SGCD: variants seen among roughly 807,000 people sequenced by gnomAD.
SGCD encodes the protein delta-sarcoglycan.
SGCD carries 18 observed loss-of-function variants against 36.6 expected under a neutral mutation model. That is an observed-to-expected ratio of 0.49 (90% CI 0.34 to 0.73). The LOEUF (loss-of-function observed/expected upper bound fraction) is 0.73. Among genes scored for constraint, SGCD ranks in the 30% least tolerant of loss-of-function variants. SGCD has a pLI of 0.01. For synonymous variants in SGCD, 133 were observed against 130.6 expected, an observed-to-expected ratio of 1.02 and a Z score of -0.12; for missense variants, 387 against 346.7, an observed-to-expected ratio of 1.12 and a Z score of -0.92.
the SGCD span, among the ~76,000 whole-genome samples, chr5:155,856,951 A>G: frequency 6.6e-6 from 1 of 152,326 alleles, no homozygotes; most frequent in Non-Finnish European, 1.5e-5. Flanking sequence ...GAAGTTAAAC[A>G]GGCCAGGTGC....
intron 3 of SGCD, among the ~76,000 whole-genome samples, chr5:156,410,782 T>C (rs1316737224): frequency 6.6e-6 from 1 of 152,168 alleles, no homozygotes; most frequent in East Asian, 1.9e-4. Context: ...TAGTATCCCT[T>C]ACATGAGCTA....
rs561168307 is a variant in SGCD at position 156,545,497 on chromosome 5, G to T, written c.294+36795G>T. On this transcript the variant is annotated intron_variant, in intron 4 of 8. Transcript: ENST00000337851. ...GTCGGGGTTGGGGGATGAGGGGGTA[G>T]TTGGGGATGGTTTCAGAATGAAACT... 1.6e-3 allele frequency among the ~76,000 whole-genome samples: 239 copies of T among 152,028 alleles called. 2 individuals are homozygous for T. Among genetic ancestry groups the T allele is most frequent in the African/African-American group, 5.1e-3 (210 of 41,464 alleles).
intron 3 of SGCD, among the ~76,000 whole-genome samples, chr5:156,380,626 T>A (rs1349335515): frequency 6.6e-6 from 1 of 152,190 alleles, no homozygotes; most frequent in Non-Finnish European, 1.5e-5. Context: ...TTAAGACTGA[T>A]GTAGGTTAGA....
chr5:155,989,061 T>C (rs1231002702), intron 1 of SGCD, among the ~76,000 whole-genome samples: 1 of 152,208 alleles, frequency 6.6e-6, no homozygotes, highest in Non-Finnish European at 1.5e-5. Context: ...CCAGTGAGAT[T>C]TGGAACTTTC....
intron 3 of SGCD, among the ~76,000 whole-genome samples, chr5:156,218,832 A>T (rs1764646068): frequency 6.6e-6 from 1 of 152,158 alleles, no homozygotes; most frequent in African/African-American, 2.4e-5. Flanking sequence ...TTTCATGTTT[A>T]TCTTAAATTT....
At chr5:156,182,454 G>A (rs949602168) in intron 3 of SGCD, among the ~76,000 whole-genome samples, 3 of 152,172 alleles carry the variant, frequency 2.0e-5, no homozygotes, top group African/African-American at 4.8e-5. Flanking sequence ...ATCCAGGCAT[G>A]ATGGCACAGG....
intron 3 of SGCD, among the ~76,000 whole-genome samples, chr5:156,250,796 A>T (rs542347397): frequency 6.6e-6 from 1 of 152,202 alleles, no homozygotes. Context: ...TTTGGAGTCA[A>T]TGCCAATAAA....
rs1561903124 is a variant in SGCD, at chr5:156,763,802, A to G, written c.*4412A>G. ...AGGAAGGAATTTTTTTTAAATGTAAATGACCCCCATTTACCAGACCCTAAT... is the reference window on the plus strand; with the variant it reads ...AGGAAGGAATTTTTTTTAAATGTAAGTGACCCCCATTTACCAGACCCTAAT... On this transcript the variant is annotated 3_prime_UTR_variant, in exon 9 of 9. Transcript: ENST00000337851. The G allele has an allele frequency of 6.6e-6, 1 of 152,060 alleles. No individual in the cohort carries two copies. Among genetic ancestry groups the G allele is most frequent in the African/African-American group, 2.4e-5 (1 of 41,396 alleles). 9.4% of individuals were successfully genotyped at this position (152,060 alleles called of 1,614,324 possible).
chr5:156,544,232 G>A (rs1033483903), intron 4 of SGCD, among the ~76,000 whole-genome samples: 6 of 152,130 alleles, frequency 3.9e-5, no homozygotes, highest in Admixed American at 6.5e-5. Flanking sequence ...AATAGCATAC[G>A]ATAAAGAGCT....
chr5:156,214,104 G>T (rs1249302856), intron 3 of SGCD, among the ~76,000 whole-genome samples: 4 of 151,860 alleles, frequency 2.6e-5, no homozygotes, highest in African/African-American at 9.7e-5. Flanking sequence ...GTCCTAGCCT[G>T]GGTAAGTAGA....
At chr5:156,192,625 G>A (rs1442349748) in intron 3 of SGCD, among the ~76,000 whole-genome samples, 25 of 152,048 alleles carry the variant, frequency 1.6e-4, no homozygotes, top group Admixed American at 1.6e-3. Flanking sequence ...AACTTTATTT[G>A]TTCTACAATA....
At chr5:156,451,036 C>CT (rs1753985963) in intron 3 of SGCD, among the ~76,000 whole-genome samples, 1 of 151,836 alleles carries the variant, frequency 6.6e-6, no homozygotes, top group African/African-American at 2.4e-5. Context: ...TTTTTCCTTT[C>CT]TTCCATCTCT....
intron 3 of SGCD, among the ~76,000 whole-genome samples, chr5:156,364,172 T>C (rs1390219209): frequency 6.6e-6 from 1 of 152,198 alleles, no homozygotes; most frequent in Admixed American, 6.5e-5. Flanking sequence ...GCTGGGATTA[T>C]GACAGCAGAA....
At chr5:156,442,986 C>A (rs1340064675) in intron 3 of SGCD, among the ~76,000 whole-genome samples, 3 of 151,978 alleles carry the variant, frequency 2.0e-5, no homozygotes, top group African/African-American at 7.3e-5. Context: ...TGCATGTAGC[C>A]TTTTCTACCT....
intron 7 of SGCD, among the ~76,000 whole-genome samples, chr5:156,691,054 A>G (rs1473867282): frequency 9.2e-5 from 14 of 151,902 alleles, no homozygotes; most frequent in Admixed American, 9.2e-4. Flanking sequence ...TAAAAATACA[A>G]AAATTAGCCA....
At chr5:156,542,469 TG>T (rs1180190082) in intron 4 of SGCD, among the ~76,000 whole-genome samples, 2 of 152,232 alleles carry the variant, frequency 1.3e-5, no homozygotes, top group African/African-American at 4.8e-5. Context: ...CTACATTGTA[TG>T]AGTGCAATCT....
At chr5:156,545,050 A>C (rs137893589) in intron 4 of SGCD, among the ~76,000 whole-genome samples, 40 of 152,202 alleles carry the variant, frequency 2.6e-4, no homozygotes, top group African/African-American at 8.9e-4. Context: ...TTCAGTGAAG[A>C]GGTTGTTCCA....
chr5:156,067,865 G>A lies in SGCD; in HGVS notation c.-281-50013G>A, dbSNP rs10054781. On this transcript the variant is annotated intron_variant, in intron 1 of 9. Transcript: ENST00000517913. ...TGGCACTCCCTAGAGAGATGAACCCGGTACCTCAGATGGAAATGCAGAAAT... is the reference window on the plus strand; with the variant it reads ...TGGCACTCCCTAGAGAGATGAACCCAGTACCTCAGATGGAAATGCAGAAAT... 8.5e-3 allele frequency among the ~76,000 whole-genome samples: 1,141 copies of A among 133,768 alleles called. 177 individuals carry two copies. The highest frequency in any genetic ancestry group is 0.041 in the African/African-American group (1,080 of 26,216). 87.8% of individuals were successfully genotyped at this position (133,768 alleles called of 152,430 possible).
In SGCD at chr5:156,570,693, G is replaced by C. The variant is rs138713490; in HGVS notation, c.295-18538G>C. On this transcript the variant is annotated intron_variant, in intron 4 of 8. Transcript: ENST00000337851. ...CAGCATGTGCAGATTTGTTACATAG[G>C]TAAATGTATGTCATGAGGGTTTATT... Among the ~76,000 whole-genome samples, 62 of 152,212 alleles carry C rather than the reference G, an allele frequency of 4.1e-4. 1 individual carries two copies. In the East Asian group the frequency reaches 9.3e-3, roughly 23 times the overall value.
Sources: allele counts gnomAD v4.1 joint callset (sites outside exome capture counted in the v4.1 genomes callset), GRCh38; gene constraint gnomAD v4.1.1; transcripts MANE v1.5; gene names NCBI Gene and HGNC (gene_info 2026-07-23, HGNC 2026-07-21).